RBPMS: variants seen among roughly 807,000 people sequenced by gnomAD.
The protein encoded by RBPMS is RNA binding protein, mRNA processing factor, also known as RNA-binding protein with multiple splicing.
RBPMS carries 7 observed loss-of-function variants against 26.8 expected under a neutral mutation model. The observed-to-expected ratio is 0.26, with a 90% CI of 0.15 to 0.49. RBPMS has a LOEUF of 0.49. Ranked by LOEUF, RBPMS falls within the 20% of genes least tolerant of loss-of-function variation. RBPMS has a pLI of 0.98. For synonymous variants in RBPMS, 96 were observed against 93.3 expected (o/e 1.03, Z -0.17); for missense variants, 186 against 250.0 (o/e 0.74, Z 1.73).
intron 5 of RBPMS, among the ~76,000 whole-genome samples, chr8:30,524,634 A>T (rs1216159368): frequency 6.6e-6 from 1 of 152,178 alleles, no homozygotes; most frequent in Non-Finnish European, 1.5e-5. Flanking sequence ...AAAAGAAGGG[A>T]ACTAAGCAGT....
At chr8:30,560,048 T>C (rs112341230) in intron 7 of RBPMS, among the ~76,000 whole-genome samples, 21 of 152,292 alleles carry the variant, frequency 1.4e-4, no homozygotes, top group African/African-American at 4.6e-4. Flanking sequence ...AATGGAGAAA[T>C]GTTTCAGACC....
At chr8:30,517,708 G>A (rs80084671) in intron 5 of RBPMS, among the ~76,000 whole-genome samples, 2,060 of 152,276 alleles carry the variant, frequency 0.014, 53 homozygotes, top group African/African-American at 0.046. Flanking sequence ...AGGAGCTGCC[G>A]TGTGTAAGGT....
chr8:30,486,589 C>T (rs971673681), intron 4 of RBPMS, among the ~76,000 whole-genome samples: 5 of 151,746 alleles, frequency 3.3e-5, no homozygotes, highest in African/African-American at 4.8e-5. Flanking sequence ...GCTGCGATCA[C>T]GCCATTGCAC....
intron 5 of RBPMS, 39 bp from the exon 6 acceptor site, chr8:30,544,455 A>G: frequency 6.3e-7 from 1 of 1,597,626 alleles, no homozygotes; most frequent in Non-Finnish European, 8.6e-7. Context: ...AACTAGCTGT[A>G]TGGTAACCAC....
At chr8:30,477,967 A>G (rs1817874561) in intron 3 of RBPMS, 130 bp downstream of exon 3, 7 of 648,126 alleles carry the variant, frequency 1.1e-5, no homozygotes, top group African/African-American at 1.8e-5. Context: ...TAAAAGTGAG[A>G]TGTATTAGGA....
chr8:30,561,796 C>G, intron 7 of RBPMS: 1 of 929,200 alleles, frequency 1.1e-6, no homozygotes, highest in Non-Finnish European at 1.3e-6. Flanking sequence ...GGCCTGGGAC[C>G]TAAGGAAGGG....
chr8:30,569,940 A>G (rs570915475), intron 8 of RBPMS, among the ~76,000 whole-genome samples: 2 of 152,322 alleles, frequency 1.3e-5, no homozygotes, highest in East Asian at 3.9e-4. Context: ...CAGGGTGTCC[A>G]GGGCCCACTG....
At chr8:30,439,258 T>C (rs77225774) in intron 1 of RBPMS, among the ~76,000 whole-genome samples, 1,626 of 152,320 alleles carry the variant, frequency 0.011, 28 homozygotes, top group African/African-American at 0.038. Context: ...CATTTCATAG[T>C]ATCATTTAAA....
chr8:30,514,712 G>A (rs1160124423), intron 5 of RBPMS, among the ~76,000 whole-genome samples: 4 of 77,510 alleles, frequency 5.2e-5, no homozygotes, highest in African/African-American at 1.7e-4. Flanking sequence ...TTAATGTAGA[G>A]GCGGGGTTTC....
rs114261989 is a variant in RBPMS at position 30,532,485 on chromosome 8, G to C, written c.398-12009G>C. 8.2e-3 allele frequency among the ~76,000 whole-genome samples: 1,250 copies of C among 152,256 alleles called. 17 individuals are homozygous for C. Among genetic ancestry groups the C allele is most frequent in the African/African-American group, 0.029 (1,204 of 41,532 alleles). ...CGCATTCAGTTTTTATAATGAACTA[G>C]GTGTTAGTTTTTATTTTTATCTGTT... is the stretch of plus-strand genomic sequence containing the variant. On this transcript the variant is annotated intron_variant, in intron 5 of 8. Transcript: ENST00000397323.
At chr8:30,506,579 G>A (rs935056169) in intron 5 of RBPMS, among the ~76,000 whole-genome samples, 2 of 152,008 alleles carry the variant, frequency 1.3e-5, no homozygotes, top group African/African-American at 4.8e-5. Flanking sequence ...CACTGTGTTG[G>A]GTCTACACGG....
At chr8:30,522,346 A>C (rs1007150600) in intron 5 of RBPMS, among the ~76,000 whole-genome samples, 4 of 149,282 alleles carry the variant, frequency 2.7e-5, no homozygotes, top group Non-Finnish European at 5.9e-5. Context: ...CAACAACAAC[A>C]ACAACAAACC....
chr8:30,529,150 C>T (rs1267699749), intron 5 of RBPMS, among the ~76,000 whole-genome samples: 4 of 151,398 alleles, frequency 2.6e-5, no homozygotes, highest in Non-Finnish European at 4.4e-5. Flanking sequence ...ACCCAGGAGG[C>T]AGAGGTCACA....
In RBPMS at chr8:30,571,847, C is replaced by G. The variant is rs1033588659; in HGVS notation, c.*1322C>G. On this transcript the variant is annotated 3_prime_UTR_variant, in exon 9 of 9. Transcript: ENST00000397323. Reference sequence around the variant, plus strand: ...AGCCATTTTTGTAAAACCACACTGACCTAAATTCAGCTGCCAAACACAGTC... The same window carrying G: ...AGCCATTTTTGTAAAACCACACTGAGCTAAATTCAGCTGCCAAACACAGTC... 1.3e-5 allele frequency: 2 copies of G among 152,242 alleles called. No individual in the cohort carries two copies. The highest frequency in any genetic ancestry group is 1.5e-5 in the Non-Finnish European group (1 of 68,054). 9.4% of individuals were successfully genotyped at this position (152,242 alleles called of 1,614,324 possible).
chr8:30,562,068 C>T (rs1209146483), intron 7 of RBPMS: 39 of 982,484 alleles, frequency 4.0e-5, no homozygotes, highest in South Asian at 9.4e-5. Flanking sequence ...CAGTGCCTCA[C>T]GCCTGTCATC....
chr8:30,426,285 G>A (rs1811343107), intron 1 of RBPMS, among the ~76,000 whole-genome samples: 1 of 152,122 alleles, frequency 6.6e-6, no homozygotes, highest in Admixed American at 6.5e-5. Flanking sequence ...TAATCTTGTG[G>A]TAGAAAATTA....
At chr8:30,439,134 T>TA (rs1355538055) in intron 1 of RBPMS, among the ~76,000 whole-genome samples, 2 of 152,246 alleles carry the variant, frequency 1.3e-5, no homozygotes, top group African/African-American at 4.8e-5. Context: ...AATACTCTGA[T>TA]ACTGCAGTAC....
intron 6 of RBPMS, among the ~76,000 whole-genome samples, chr8:30,547,792 C>T (rs1012250723): frequency 4.6e-5 from 7 of 152,194 alleles, no homozygotes; most frequent in Non-Finnish European, 1.0e-4. Flanking sequence ...AGGGATGCTG[C>T]GTCTAGCTAG....
At chr8:30,413,761 G>A (rs887283429) in intron 1 of RBPMS, among the ~76,000 whole-genome samples, 1 of 152,152 alleles carries the variant, frequency 6.6e-6, no homozygotes, top group African/African-American at 2.4e-5. Flanking sequence ...CTACAGGCAT[G>A]TGCCACCACG....
Sources: gnomAD v4.1 joint callset for allele counts (sites outside exome capture counted in the v4.1 genomes callset) on GRCh38, gnomAD v4.1.1 for gene constraint, MANE v1.5 for transcripts, NCBI Gene and HGNC (gene_info 2026-07-23, HGNC 2026-07-21) for gene names.